Variants in FBXL2 observed in about 807,000 individuals in gnomAD.
FBXL2 encodes the protein F-box and leucine rich repeat protein 2.
A neutral mutation model predicts 69.2 loss-of-function variants in FBXL2; 38 were observed. The ratio of observed to expected loss-of-function variants is 0.55; its 90% CI spans 0.42 to 0.72. The LOEUF (loss-of-function observed/expected upper bound fraction) is 0.72. Among genes scored for constraint, FBXL2 ranks in the 30% least tolerant of loss-of-function variants. FBXL2 has a pLI of 0.00. For missense variants in FBXL2, 354 were observed against 520.3 expected (o/e 0.68, Z 3.11); for synonymous variants, 192 against 201.3 (o/e 0.95, Z 0.39).
intron 2 of FBXL2, among the ~76,000 whole-genome samples, chr3:33,317,055 TC>T (rs1405872994): frequency 6.6e-6 from 1 of 151,960 alleles, no homozygotes; most frequent in East Asian, 1.9e-4. Context: ...GTGCATGCTA[TC>T]ACGCCTGGCT....
At chr3:33,382,573 G>GT (rs1215023860) in intron 13 of FBXL2, 1 of 152,036 alleles carries the variant, frequency 6.6e-6, no homozygotes, top group African/African-American at 2.4e-5. Flanking sequence ...TGGGTACACT[G>GT]TGATTTATTT....
At chr3:33,297,757 TAG>T in intron 2 of FBXL2, 32 bp downstream of exon 2, 1 of 1,270,934 alleles carries the variant, frequency 7.9e-7, no homozygotes, top group Non-Finnish European at 1.1e-6. Context: ...ATGAAGAGTT[TAG>T]ATCTGATTTA....
rs749700726 is a variant in FBXL2 at position 33,330,898 on chromosome 3, AACAC to A, written c.66-28057_66-28054del. 5.9e-3 allele frequency among the ~76,000 whole-genome samples: 879 copies of A among 148,494 alleles called. 4 individuals carry two copies. Among genetic ancestry groups the A allele is most frequent in the Middle Eastern group, 0.011 (3 of 278 alleles). On this transcript the variant is annotated intron_variant, in intron 2 of 14. Coordinates refer to ENST00000484457, the MANE Select transcript of FBXL2 (RefSeq NM_012157.5). ...AACGAGACTCTGTCACACACACACA[AACAC>A]ACACACACACAAACACACACACACA... is the stretch of plus-strand genomic sequence containing the variant.
chr3:33,325,063 C>T (rs1375384792), intron 2 of FBXL2, among the ~76,000 whole-genome samples: 1 of 152,144 alleles, frequency 6.6e-6, no homozygotes, highest in African/African-American at 2.4e-5. Flanking sequence ...CTCTTCGTAG[C>T]AGTTGTGAAT....
At chr3:33,420,983 G>A in the FBXL2 span, among the ~76,000 whole-genome samples, 1 of 152,216 alleles carries the variant, frequency 6.6e-6, no homozygotes, top group Non-Finnish European at 1.5e-5. Context: ...GGACTAACAA[G>A]GAGAAATTCT....
At chr3:33,419,345 T>C in the FBXL2 span, among the ~76,000 whole-genome samples, 9 of 151,394 alleles carry the variant, frequency 5.9e-5, no homozygotes, top group Non-Finnish European at 1.2e-4. Context: ...AAATACAAAA[T>C]TAGGCTGGGC....
chr3:33,368,684 G>C (rs111684312), intron 5 of FBXL2, among the ~76,000 whole-genome samples: 309 of 151,994 alleles, frequency 2.0e-3, no homozygotes, highest in African/African-American at 7.0e-3. Flanking sequence ...TCTGCCTCCT[G>C]AGTTCAAGCC....
At chr3:33,355,061 C>A (rs2041100391) in intron 2 of FBXL2, among the ~76,000 whole-genome samples, 1 of 152,158 alleles carries the variant, frequency 6.6e-6, no homozygotes, top group African/African-American at 2.4e-5. Flanking sequence ...TCCTGAGTAG[C>A]TGGGACTATG....
intron 12 of FBXL2, chr3:33,396,038 C>T: frequency 3.7e-6 from 3 of 809,694 alleles, no homozygotes; most frequent in Non-Finnish European, 5.6e-6. Flanking sequence ...TGTCAAGGCT[C>T]CCACATGAGC....
In FBXL2 at chr3:33,303,556, A is replaced by G. The variant is rs766734939; in HGVS notation, c.65+5831A>G. 3.3e-5 allele frequency among the ~76,000 whole-genome samples: 5 copies of G among 152,272 alleles called. No individual in the cohort carries two copies. The South Asian group carries it at 6.2e-4, about 19-fold the overall frequency. ...GATAGGAAGGATAGAAACTAGATAC[A>G]TTTTGCCTCAGAGCCTTATTCCTAG... On this transcript the variant is annotated intron_variant, in intron 2 of 14. Transcript: ENST00000484457.
chr3:33,324,374 G>A (rs1222404576), intron 2 of FBXL2, among the ~76,000 whole-genome samples: 1 of 152,076 alleles, frequency 6.6e-6, no homozygotes, highest in Non-Finnish European at 1.5e-5. Flanking sequence ...TGAAGTCTTT[G>A]CCCATGCCTA....
intron 2 of FBXL2, among the ~76,000 whole-genome samples, chr3:33,348,709 C>A: frequency 6.6e-6 from 1 of 152,040 alleles, no homozygotes; most frequent in South Asian, 2.1e-4. Flanking sequence ...AACAACAAAA[C>A]AAAACAATTG....
intron 2 of FBXL2, among the ~76,000 whole-genome samples, chr3:33,348,357 G>C (rs2040597403): frequency 2.0e-5 from 3 of 151,872 alleles, no homozygotes. Flanking sequence ...CTTCTCTATT[G>C]TTCCATATGT....
intron 12 of FBXL2, chr3:33,402,803 G>A: frequency 1.3e-6 from 2 of 1,578,190 alleles, no homozygotes; most frequent in Non-Finnish European, 1.7e-6. Context: ...CTAGATACCT[G>A]TCTGGGACAC....
the FBXL2 span, among the ~76,000 whole-genome samples, chr3:33,422,313 G>A: frequency 6.6e-6 from 1 of 152,108 alleles, no homozygotes; most frequent in African/African-American, 2.4e-5. Context: ...GCCTGAGGCA[G>A]GAGGACTGCT....
Position 33,386,728 on chromosome 3 carries a change from C to G in FBXL2, c.*1120C>G, listed in dbSNP as rs2043460344. The G allele has an allele frequency of 6.6e-6, 1 of 152,168 alleles. No individual in the cohort carries two copies. Among genetic ancestry groups the G allele is most frequent in the African/African-American group, 2.4e-5 (1 of 41,444 alleles). The allele number at this position is 152,168 out of a possible 1,614,324, so 9.4% of individuals were successfully genotyped here. On this transcript the variant is annotated 3_prime_UTR_variant, in exon 15 of 15. Coordinates refer to ENST00000484457, the MANE Select transcript of FBXL2 (RefSeq NM_012157.5). ...AGACCTTCCTGATGTTATCTGAAAT[C>G]TGATAAAATGACCCTACTCTCTGCT...
At chr3:33,297,528 G>T (rs1176395786) in intron 1 of FBXL2, 136 bp from the exon 2 acceptor site, 2 of 590,870 alleles carry the variant, frequency 3.4e-6, no homozygotes, top group African/African-American at 3.8e-5. Flanking sequence ...GAATATGGTG[G>T]CTGCATGAAA....
intron 2 of FBXL2, among the ~76,000 whole-genome samples, chr3:33,337,638 G>A (rs965730403): frequency 1.3e-5 from 2 of 152,096 alleles, no homozygotes; most frequent in East Asian, 3.9e-4. Flanking sequence ...AAGAAAGAAA[G>A]AAAAGGGATC....
chr3:33,284,624 C>T (rs2034404772), intron 1 of FBXL2, among the ~76,000 whole-genome samples: 3 of 152,180 alleles, frequency 2.0e-5, no homozygotes, highest in South Asian at 4.1e-4. Context: ...TCTCATTGAT[C>T]TGTCTAATGT....
Sources: allele counts gnomAD v4.1 joint callset (sites outside exome capture counted in the v4.1 genomes callset), GRCh38; gene constraint gnomAD v4.1.1; transcripts MANE v1.5; gene names NCBI Gene and HGNC (gene_info 2026-07-23, HGNC 2026-07-21).